Variants in ADGRV1 observed in about 807,000 individuals in gnomAD.
The protein encoded by ADGRV1 is G-protein coupled receptor 98.
In ADGRV1, 359 loss-of-function variants were observed where a neutral mutation model predicts 596.2. The ratio of observed to expected loss-of-function variants is 0.60; its 90% CI spans 0.55 to 0.66. ADGRV1 has a LOEUF of 0.66. Among genes scored for constraint, ADGRV1 ranks in the 30% least tolerant of loss-of-function variants. The pLI is 0.00. For synonymous variants in ADGRV1, 2,681 were observed against 2,679.2 expected (o/e 1.00, Z -0.02); for missense variants, 7,274 against 7,575.6 (o/e 0.96, Z 1.48).
chr5:90,753,551 A>G (rs555389190), intron 53 of ADGRV1, 23 bp from the exon 54 acceptor site: 7 of 1,545,300 alleles, frequency 4.5e-6, no homozygotes, highest in Middle Eastern at 1.7e-4. Flanking sequence ...AATAAATAAC[A>G]TCTTCTTTCT....
At chr5:91,067,180 T>C (rs1221265237) in intron 85 of ADGRV1, among the ~76,000 whole-genome samples, 1 of 149,930 alleles carries the variant, frequency 6.7e-6, no homozygotes, top group African/African-American at 2.5e-5. Flanking sequence ...GTCTCGCTCT[T>C]GTTGCCCAGG....
chr5:90,914,005 A>C (rs1248503065), intron 83 of ADGRV1, among the ~76,000 whole-genome samples: 1 of 152,196 alleles, frequency 6.6e-6, no homozygotes, highest in East Asian at 1.9e-4. Context: ...GGGAAAATTG[A>C]ACCCTTGGTT....
rs2149468485 is a variant in ADGRV1 at position 90,653,824 on chromosome 5, A to G, written c.4250A>G (p.Lys1417Arg). ...ATYIAKTTVM[K>R]YLEESVWLHL... ...TACATTGCCAAGACAACAGTCATGA[A>G]ATATTTAGAAGAAAGTGTTTGGCTT... Residue 1417 changes from lysine to arginine, a missense_variant, in exon 20 of 90, where the codon AAA becomes AGA. Physicochemically the swap from Lys to Arg is conservative, Grantham distance 26. This residue lies in a region of ADGRV1 where 1,715 missense variants were observed against 1,708.8 expected (regional missense o/e 1.00). Transcript: ENST00000405460. 6.2e-7 allele frequency: 1 copy of G among 1,613,288 alleles called. No homozygotes were observed.
At position 90,648,846 on chromosome 5, in the gene ADGRV1, A is replaced by T. The variant is rs1484790485; in HGVS notation, c.3289+1082A>T. Among the ~76,000 whole-genome samples, 4 of 152,226 alleles carry T rather than the reference A, an allele frequency of 2.6e-5. No homozygotes were observed. In the South Asian group the frequency reaches 8.3e-4, roughly 31 times the overall value. ...GGGCAATTTCACAATTGCAAAAAAC[A>T]TCGTCAGATCTTACGTAGACTAAAA... On this transcript the variant is annotated intron_variant, in intron 17 of 89. Transcript: ENST00000405460.
chr5:91,001,319 C>T (rs1781840558), intron 85 of ADGRV1, among the ~76,000 whole-genome samples: 1 of 152,126 alleles, frequency 6.6e-6, no homozygotes, highest in South Asian at 2.1e-4. Flanking sequence ...CTGGAGGAAT[C>T]CTCCCACCAT....
intron 85 of ADGRV1, among the ~76,000 whole-genome samples, chr5:91,022,715 T>C (rs912604307): frequency 6.6e-6 from 1 of 152,262 alleles, no homozygotes; most frequent in East Asian, 1.9e-4. Context: ...ACTGCGTGCA[T>C]TTGTGGAACC....
intron 25 of ADGRV1, 41 bp downstream of exon 25, chr5:90,676,250 T>C (rs1561506936): frequency 6.3e-7 from 1 of 1,577,430 alleles, no homozygotes; most frequent in Non-Finnish European, 8.6e-7. Flanking sequence ...TTTGCTTGTC[T>C]ACCCATGCTG....
At chr5:91,019,049 A>G (rs1415543901) in intron 85 of ADGRV1, among the ~76,000 whole-genome samples, 1 of 151,990 alleles carries the variant, frequency 6.6e-6, no homozygotes, top group Admixed American at 6.6e-5. Flanking sequence ...TCTTTTCAAC[A>G]GTTCCAACAG....
At chr5:90,764,373 G>A (rs1756855663) in intron 59 of ADGRV1, among the ~76,000 whole-genome samples, 1 of 152,198 alleles carries the variant, frequency 6.6e-6, no homozygotes. Context: ...TGTTCTTCCT[G>A]TAAGCCCAAG....
intron 41 of ADGRV1, among the ~76,000 whole-genome samples, chr5:90,711,647 C>T (rs1354762335): frequency 6.6e-6 from 1 of 152,144 alleles, no homozygotes; most frequent in East Asian, 1.9e-4. Context: ...ATGTTTCTTA[C>T]ACTTCACGAA....
intron 21 of ADGRV1, among the ~76,000 whole-genome samples, chr5:90,667,446 T>C (rs1038724908): frequency 4.7e-5 from 7 of 147,710 alleles, no homozygotes; most frequent in Non-Finnish European, 1.0e-4. Context: ...TCTCGAGCCT[T>C]GGTTTTCAGC....
At chr5:91,067,841 C>CA (rs1442358442) in intron 85 of ADGRV1, among the ~76,000 whole-genome samples, 1 of 152,104 alleles carries the variant, frequency 6.6e-6, no homozygotes, top group Admixed American at 6.5e-5. Context: ...AATAAGTGAC[C>CA]ATTTGAAGCC....
intron 7 of ADGRV1, 86 bp from the exon 8 acceptor site, chr5:90,628,476 A>G: frequency 9.0e-7 from 1 of 1,109,510 alleles, no homozygotes; most frequent in Non-Finnish European, 1.3e-6. Flanking sequence ...ATCAGTGTCT[A>G]ATGGACAACT....
At chr5:91,074,872 T>C (rs1477818172) in intron 86 of ADGRV1, among the ~76,000 whole-genome samples, 1 of 152,238 alleles carries the variant, frequency 6.6e-6, no homozygotes, top group Non-Finnish European at 1.5e-5. Context: ...ATAGCCATTC[T>C]GACTGGTGTG....
chr5:90,613,501 A>G (rs955089149), intron 1 of ADGRV1, among the ~76,000 whole-genome samples: 4 of 151,998 alleles, frequency 2.6e-5, no homozygotes, highest in African/African-American at 4.8e-5. Context: ...GGGTTGGAAG[A>G]CAGGGAAGAG....
At chr5:90,651,526 T>G in intron 17 of ADGRV1, 78 bp from the exon 18 acceptor site, 1 of 1,222,190 alleles carries the variant, frequency 8.2e-7, no homozygotes, top group Middle Eastern at 2.8e-4. Context: ...AATTGTAAAC[T>G]TTCTTAATTT....
At chr5:90,950,922 AC>A (rs35394036) in intron 83 of ADGRV1, among the ~76,000 whole-genome samples, 34,649 of 152,142 alleles carry the variant, frequency 0.23, 4,531 homozygotes, top group Non-Finnish European at 0.3. Context: ...AATTAAAAAA[AC>A]AATGATGAAT....
intron 11 of ADGRV1, among the ~76,000 whole-genome samples, chr5:90,638,595 A>G (rs1486921439): frequency 3.3e-5 from 5 of 151,808 alleles, no homozygotes; most frequent in Admixed American, 3.3e-4. Context: ...TACTGTGTTT[A>G]ATGATTTAAT....
At chr5:90,998,903 C>G (rs1370541100) in intron 85 of ADGRV1, among the ~76,000 whole-genome samples, 2 of 152,036 alleles carry the variant, frequency 1.3e-5, no homozygotes, top group African/African-American at 4.8e-5. Context: ...TTAATAGCTT[C>G]ATTTATCATG....
Sources: allele counts gnomAD v4.1 joint callset (sites outside exome capture counted in the v4.1 genomes callset), GRCh38; gene constraint gnomAD v4.1.1; regional missense constraint gnomAD v4.1.1; transcripts MANE v1.5; gene names NCBI Gene and HGNC (gene_info 2026-07-23, HGNC 2026-07-21).